GRAMD1C: variants seen among roughly 807,000 people sequenced by gnomAD.
The protein encoded by GRAMD1C is protein Aster-C.
In GRAMD1C, 89 loss-of-function variants were observed where a neutral mutation model predicts 97.8. That is an observed-to-expected ratio of 0.91 (90% CI 0.77 to 1.09). GRAMD1C has a LOEUF of 1.09. Among genes scored for constraint, GRAMD1C ranks in the 50% least tolerant of loss-of-function variants. The pLI is 0.00. For missense variants in GRAMD1C, 740 were observed against 766.4 expected, an observed-to-expected ratio of 0.97 and a Z score of 0.41; for synonymous variants, 256 against 267.0, an observed-to-expected ratio of 0.96 and a Z score of 0.40.
chr3:113,886,067 GGC>G, intron 6 of GRAMD1C: 1 of 1,014,694 alleles, frequency 9.9e-7, no homozygotes, highest in Non-Finnish European at 1.4e-6. Flanking sequence ...GGGGTGGGGG[GGC>G]GGGGGGGAAA....
Position 113,936,254 on chromosome 3 carries a change from T to A in GRAMD1C, c.1457-12T>A. Reference sequence around the variant, plus strand: ...TTCCTCACTATATAAAGATTGTTTTTTTTTTTCTTAGAATCAGATTTGTTA... The same window carrying A: ...TTCCTCACTATATAAAGATTGTTTTATTTTTTCTTAGAATCAGATTTGTTA... On this transcript the variant is annotated splice_polypyrimidine_tract_variant and intron_variant, in intron 13 of 17. Transcript: ENST00000358160. 6.7e-7 allele frequency: 1 copy of A among 1,501,242 alleles called. No individual in the cohort carries two copies. The highest frequency in any genetic ancestry group is 9.1e-7 in the Non-Finnish European group (1 of 1,093,218). 93.0% of individuals were successfully genotyped at this position (1,501,242 alleles called of 1,614,324 possible).
At chr3:113,868,369 A>AT (rs1323251996) in intron 2 of GRAMD1C, among the ~76,000 whole-genome samples, 7 of 151,884 alleles carry the variant, frequency 4.6e-5, no homozygotes, top group Non-Finnish European at 1.0e-4. Flanking sequence ...ATGTCTTATA[A>AT]TTTTTGTTGG....
At chr3:113,906,441 A>G (rs1016863475) in intron 8 of GRAMD1C, among the ~76,000 whole-genome samples, 5 of 152,182 alleles carry the variant, frequency 3.3e-5, no homozygotes, top group Non-Finnish European at 5.9e-5. Flanking sequence ...TTTTTAACAA[A>G]AAGGTTTAAA....
Position 113,838,918 on chromosome 3 carries a change from C to T in GRAMD1C, c.9C>T (p.Gly3=), listed in dbSNP as rs934974760. The T allele has an allele frequency of 1.7e-6, 2 of 1,208,218 alleles. No homozygotes were observed. Among genetic ancestry groups the T allele is most frequent in the East Asian group, 3.2e-5 (1 of 30,854 alleles). The allele number at this position is 1,208,218 out of a possible 1,614,324, so 74.8% of individuals were successfully genotyped here. A position where few individuals can be genotyped will look rare whatever the true frequency, so the allele number is the denominator to read the frequency against. Reference sequence around the variant, plus strand: ...CGGCGGAGGGAGCCGCGATGGAGGGCGCTCCGACTGTCCGTCAGGTAAGCC... The same window carrying T: ...CGGCGGAGGGAGCCGCGATGGAGGGTGCTCCGACTGTCCGTCAGGTAAGCC... ME[G]APTVRQVMNE... Residue 3 remains glycine (G), a synonymous_variant, in exon 1 of 18, where the codon GGC becomes GGT. Transcript: ENST00000358160.
chr3:113,831,588 CTTATGGGTT>C (rs774645898), intron 1 of GRAMD1C, among the ~76,000 whole-genome samples: 16 of 152,056 alleles, frequency 1.1e-4, no homozygotes, highest in Non-Finnish European at 1.5e-5. Context: ...TCTTACAGGT[CTTATGGGTT>C]CTGTTCATTT....
At chr3:113,882,279 C>A (rs1365120744) in intron 5 of GRAMD1C, among the ~76,000 whole-genome samples, 1 of 152,024 alleles carries the variant, frequency 6.6e-6, no homozygotes, top group East Asian at 1.9e-4. Context: ...TTTTAGAAGA[C>A]CATGAAAACT....
Position 113,946,777 on chromosome 3 carries a change from T to C in GRAMD1C, c.*1299T>C, listed in dbSNP as rs928654486. On this transcript the variant is annotated 3_prime_UTR_variant, in exon 18 of 18. Coordinates refer to ENST00000358160, the MANE Select transcript of GRAMD1C (RefSeq NM_017577.5). ...TCCCCAAAGCCACATGGCATTATTA[T>C]AGTCATTTTTGAGATGCCTGTAGAG... 3.3e-5 allele frequency: 5 copies of C among 152,240 alleles called. No homozygotes were observed. Among genetic ancestry groups the C allele is most frequent in the African/African-American group, 1.2e-4 (5 of 41,458 alleles). The allele number at this position is 152,240 out of a possible 1,614,324, so 9.4% of individuals were successfully genotyped here. A position where few individuals can be genotyped will look rare whatever the true frequency, so the allele number is the denominator to read the frequency against.
intron 3 of GRAMD1C, among the ~76,000 whole-genome samples, chr3:113,871,011 A>ATG (rs1934785557): frequency 2.2e-5 from 3 of 134,048 alleles, no homozygotes; most frequent in African/African-American, 5.8e-5. Flanking sequence ...ACACACACAC[A>ATG]CACACACACA....
In GRAMD1C at chr3:113,945,637, A is replaced by G. The variant is rs530654302; in HGVS notation, c.*159A>G. Reference sequence around the variant, plus strand: ...TTCTTTCAGTAACATTTATTTGATAATTAGTTTCTGCTGGCCTTAATAATC... The same window carrying G: ...TTCTTTCAGTAACATTTATTTGATAGTTAGTTTCTGCTGGCCTTAATAATC... On this transcript the variant is annotated 3_prime_UTR_variant, in exon 18 of 18. Transcript: ENST00000358160. 1 of 561,924 alleles carries G rather than the reference A, an allele frequency of 1.8e-6. No homozygotes were observed. Among genetic ancestry groups the G allele is most frequent in the African/African-American group, 1.9e-5 (1 of 51,674 alleles). 34.8% of individuals were successfully genotyped at this position (561,924 alleles called of 1,614,324 possible).
rs1438716930 is a variant in GRAMD1C, at chr3:113,934,456, A to G, written c.1377A>G (p.Arg459=). The G allele has an allele frequency of 1.3e-6, 2 of 1,564,826 alleles. No individual in the cohort carries two copies. Among genetic ancestry groups the G allele is most frequent in the Non-Finnish European group, 1.7e-6 (2 of 1,143,458 alleles). ...RLRVSTDLKY[R]KQPWGLVKSL... ...GAGTTTCCACAGATTTGAAATACAG[A>G]AAACAGCCATGGGGCCTTGTCAAAT... Residue 459 remains arginine (R), a synonymous_variant, in exon 13 of 18, where the codon AGA becomes AGG. Coordinates refer to ENST00000358160, the MANE Select transcript of GRAMD1C (RefSeq NM_017577.5).
chr3:113,881,348 G>C (rs532605798), intron 5 of GRAMD1C, among the ~76,000 whole-genome samples: 40 of 152,118 alleles, frequency 2.6e-4, no homozygotes, highest in African/African-American at 8.9e-4. Flanking sequence ...AGTAGAGATC[G>C]GGTATCACCA....
At chr3:113,831,760 T>C (rs1709560276) in intron 1 of GRAMD1C, among the ~76,000 whole-genome samples, 1 of 142,754 alleles carries the variant, frequency 7.0e-6, no homozygotes, top group South Asian at 2.2e-4. Context: ...GCTCCAGAGT[T>C]TCTATGTGGT....
intron 10 of GRAMD1C, among the ~76,000 whole-genome samples, chr3:113,921,551 G>A (rs1241239880): frequency 6.6e-6 from 1 of 152,176 alleles, no homozygotes; most frequent in Non-Finnish European, 1.5e-5. Context: ...TTTCCACAAT[G>A]GCTGAACTAA....
chr3:113,876,157 G>A lies in GRAMD1C; in HGVS notation c.364-8G>A. 1 of 1,423,064 alleles carries A rather than the reference G, an allele frequency of 7.0e-7. No individual in the cohort carries two copies. 88.2% of individuals were successfully genotyped at this position (1,423,064 alleles called of 1,614,324 possible). On this transcript the variant is annotated splice_polypyrimidine_tract_variant and splice_region_variant and intron_variant, in intron 4 of 17. Coordinates refer to ENST00000358160, the MANE Select transcript of GRAMD1C (RefSeq NM_017577.5). The stretch of plus-strand genomic sequence containing the variant: ...AAAATACATTAAAAAAATTTTTTGT[G>A]TGTTTAGATTTCTATTGCTTTAAAG...
intron 5 of GRAMD1C, 40 bp downstream of exon 5, chr3:113,876,300 A>G: frequency 4.6e-6 from 5 of 1,087,668 alleles, no homozygotes; most frequent in Non-Finnish European, 7.0e-6. Flanking sequence ...CATAATGTGA[A>G]GAAAATCTCC....
intron 6 of GRAMD1C, among the ~76,000 whole-genome samples, chr3:113,893,308 T>G (rs2632243): frequency 0.34 from 50,875 of 151,794 alleles, 9,075 homozygotes; most frequent in East Asian, 0.63. Context: ...AGGGACCACA[T>G]AATCAAGACC....
chr3:113,850,026 C>T (rs1172724265), intron 2 of GRAMD1C, among the ~76,000 whole-genome samples: 1 of 150,392 alleles, frequency 6.6e-6, no homozygotes, highest in Non-Finnish European at 1.5e-5. Flanking sequence ...GGGGGCTGAC[C>T]CCCCACCTCC....
At chr3:113,931,620 G>T (rs1937429619) in intron 11 of GRAMD1C, among the ~76,000 whole-genome samples, 1 of 151,966 alleles carries the variant, frequency 6.6e-6, no homozygotes, top group Non-Finnish European at 1.5e-5. Flanking sequence ...ACCTCCCAAA[G>T]AAAATATTTT....
At chr3:113,919,020 G>C (rs1305362205) in intron 10 of GRAMD1C, among the ~76,000 whole-genome samples, 2 of 152,040 alleles carry the variant, frequency 1.3e-5, no homozygotes, top group African/African-American at 2.4e-5. Flanking sequence ...AGTTTCAAAG[G>C]CTCCTTTTTA....
Sources: allele counts gnomAD v4.1 joint callset (sites outside exome capture counted in the v4.1 genomes callset), GRCh38; gene constraint gnomAD v4.1.1; transcripts MANE v1.5; gene names NCBI Gene and HGNC (gene_info 2026-07-23, HGNC 2026-07-21).